Variants in SNU13 observed in about 807,000 individuals in gnomAD.
SNU13 encodes the protein small nuclear ribonucleoprotein 13, also known as NHP2-like protein 1.
In SNU13, 2 loss-of-function variants were observed where a neutral mutation model predicts 12.4. That is an observed-to-expected ratio of 0.16 (90% CI 0.07 to 0.51). The LOEUF is 0.51. Among genes scored for constraint, SNU13 ranks in the 20% least tolerant of loss-of-function variants. The pLI is 0.96. For synonymous variants in SNU13, 68 were observed against 66.5 expected, an observed-to-expected ratio of 1.02 and a Z score of -0.11; for missense variants, 66 against 157.8, an observed-to-expected ratio of 0.42 and a Z score of 3.12.
chr22:41,683,563 T>C (rs1319127229), intron 1 of SNU13, among the ~76,000 whole-genome samples: 1 of 152,196 alleles, frequency 6.6e-6, no homozygotes, highest in East Asian at 1.9e-4. Context: ...TTTTAATCTT[T>C]CACTATTATG....
rs541006848 is a variant in SNU13, at chr22:41,682,503, C to T, written c.4-2139G>A. The T allele has an allele frequency of 7.7e-6, 12 of 1,556,786 alleles. No homozygotes were observed. The African/African-American group carries it at 1.2e-4, about 16-fold the overall frequency. The stretch of plus-strand genomic sequence containing the variant: ...ACGCCACTGCCGCCAGCGGAAGTGA[C>T]GTCCAGGGCCAGCCCGTACACCAGG... On this transcript the variant is annotated intron_variant, in intron 1 of 2. Transcript: ENST00000401959.
At chr22:41,679,372 C>T (rs1304666344) in intron 2 of SNU13, among the ~76,000 whole-genome samples, 1 of 152,164 alleles carries the variant, frequency 6.6e-6, no homozygotes, top group Non-Finnish European at 1.5e-5. Flanking sequence ...GACTGACCAA[C>T]ATAGTGAAAC....
At chr22:41,684,330 G>GT (rs1391596809) in intron 1 of SNU13, among the ~76,000 whole-genome samples, 4 of 151,960 alleles carry the variant, frequency 2.6e-5, no homozygotes, top group Non-Finnish European at 4.4e-5. Flanking sequence ...TTCTCCTTTT[G>GT]TTTTTTTTCT....
chr22:41,678,955 T>C (rs999474563), intron 2 of SNU13, among the ~76,000 whole-genome samples: 14 of 152,170 alleles, frequency 9.2e-5, no homozygotes, highest in Admixed American at 7.2e-4. Flanking sequence ...CCAGCATCTA[T>C]TAAAATGAGA....
At chr22:41,676,934 T>C (rs533123420) in intron 2 of SNU13, among the ~76,000 whole-genome samples, 1 of 152,358 alleles carries the variant, frequency 6.6e-6, no homozygotes, top group African/African-American at 2.4e-5. Flanking sequence ...TTTCATCTTT[T>C]ACCTCACATT....
rs12159412 is a variant in SNU13 at position 41,676,284 on chromosome 22, G to A, written c.125-1089C>T. Among the ~76,000 whole-genome samples, 176 of 152,148 alleles carry A rather than the reference G, an allele frequency of 1.2e-3. 2 individuals are homozygous for A. Among genetic ancestry groups the A allele is most frequent in the African/African-American group, 4.1e-3 (170 of 41,516 alleles). ...CACCCCACAGCACCGTTTCAGATGC[G>A]TACTCTCCTGACTGCTTGCCTCTGT... On this transcript the variant is annotated intron_variant, in intron 2 of 2. Transcript: ENST00000401959.
chr22:41,686,277 C>T (rs149596208), intron 1 of SNU13, among the ~76,000 whole-genome samples: 1 of 150,698 alleles, frequency 6.6e-6, no homozygotes, highest in African/African-American at 2.4e-5. Flanking sequence ...ATTTTCCCCT[C>T]TACTGATTTG....
At chr22:41,682,442 A>G (rs2068272673) in intron 1 of SNU13, 1 of 1,610,140 alleles carries the variant, frequency 6.2e-7, no homozygotes, top group Non-Finnish European at 8.5e-7. Context: ...CAGCACCGCA[A>G]GGACACGGAT....
intron 2 of SNU13, among the ~76,000 whole-genome samples, chr22:41,678,118 G>A (rs1367089504): frequency 1.3e-5 from 2 of 152,016 alleles, no homozygotes; most frequent in Non-Finnish European, 2.9e-5. Flanking sequence ...TGGGACTATA[G>A]GCGCCCGCCA....
intron 1 of SNU13, among the ~76,000 whole-genome samples, chr22:41,684,263 G>C (rs185970889): frequency 6.6e-6 from 1 of 152,326 alleles, no homozygotes; most frequent in African/African-American, 2.4e-5. Context: ...TGGTGAGAAA[G>C]AGGGGCTTCG....
intron 1 of SNU13, among the ~76,000 whole-genome samples, chr22:41,685,087 G>A (rs2068299624): frequency 6.7e-6 from 1 of 149,668 alleles, no homozygotes; most frequent in Non-Finnish European, 1.5e-5. Flanking sequence ...CCCGGGAAGC[G>A]GAGATTGCAG....
chr22:41,676,075 A>G (rs2068210777), intron 2 of SNU13, among the ~76,000 whole-genome samples: 1 of 152,108 alleles, frequency 6.6e-6, no homozygotes, highest in African/African-American at 2.4e-5. Flanking sequence ...CCAAGTCACC[A>G]TCATCTCTTA....
intron 2 of SNU13, among the ~76,000 whole-genome samples, chr22:41,676,724 T>C (rs1413254601): frequency 6.6e-6 from 1 of 152,210 alleles, no homozygotes; most frequent in Non-Finnish European, 1.5e-5. Context: ...ATGTGGCATT[T>C]TCCAAGGTTT....
chr22:41,685,154 C>CACAAA (rs564616797), intron 1 of SNU13, among the ~76,000 whole-genome samples: 34 of 118,008 alleles, frequency 2.9e-4, no homozygotes, highest in African/African-American at 1.1e-3. Flanking sequence ...AACTCCATCT[C>CACAAA]AAAAAAAAAA....
chr22:41,675,485 G>A (rs1357318194), intron 2 of SNU13, among the ~76,000 whole-genome samples: 4 of 151,254 alleles, frequency 2.6e-5, no homozygotes, highest in South Asian at 2.1e-4. Flanking sequence ...GCAGTGGTGC[G>A]ATCTTGGCTC....
chr22:41,682,510 G>A, intron 1 of SNU13: 2 of 1,544,938 alleles, frequency 1.3e-6, no homozygotes, highest in Non-Finnish European at 1.7e-6. Context: ...TGACGTCCAG[G>A]GCCAGCCCGT....
chr22:41,683,242 C>CTAAG (rs1244600550), intron 1 of SNU13, among the ~76,000 whole-genome samples: 1 of 151,634 alleles, frequency 6.6e-6, no homozygotes, highest in Non-Finnish European at 1.5e-5. Context: ...TCAAGTGATC[C>CTAAG]GCTTGCCTTA....
chr22:41,675,137 C>T lies in SNU13; in HGVS notation c.183G>A (p.Glu61=). The T allele has an allele frequency of 6.2e-7, 1 of 1,614,152 alleles. No homozygotes were observed. Among genetic ancestry groups the T allele is most frequent in the Non-Finnish European group, 8.5e-7 (1 of 1,180,042 alleles). Reference sequence around the variant, plus strand: ...GCAGGTGCAGAATGATCTCCAGTGGCTCGGCGTCTGCAGCCATCACGATGA... The same window carrying T: ...GCAGGTGCAGAATGATCTCCAGTGGTTCGGCGTCTGCAGCCATCACGATGA... ...SEFIVMAADA[E]PLEIILHLPL... Residue 61 remains glutamate, a synonymous_variant, in exon 3 of 3, where the codon GAG becomes GAA. Coordinates refer to ENST00000401959, the MANE Select transcript of SNU13 (RefSeq NM_001003796.2).
At chr22:41,688,509 G>C (rs1049037258) in intron 1 of SNU13, among the ~76,000 whole-genome samples, 3 of 152,222 alleles carry the variant, frequency 2.0e-5, no homozygotes, top group African/African-American at 4.8e-5. Context: ...CTTTCTCCCA[G>C]GCTGGGCCAT....
Sources: gnomAD v4.1 joint callset for allele counts (sites outside exome capture counted in the v4.1 genomes callset) on GRCh38, gnomAD v4.1.1 for gene constraint, MANE v1.5 for transcripts, NCBI Gene and HGNC (gene_info 2026-07-23, HGNC 2026-07-21) for gene names.